Variants in HIVEP3 observed in about 807,000 individuals in gnomAD.
The protein encoded by HIVEP3 is transcription factor HIVEP3.
In HIVEP3, 49 loss-of-function variants were observed where a neutral mutation model predicts 152.8. The observed-to-expected ratio is 0.32, with a 90% CI of 0.26 to 0.41. The LOEUF (loss-of-function observed/expected upper bound fraction) is 0.41. Among genes scored for constraint, HIVEP3 ranks in the 10% least tolerant of loss-of-function variants. The pLI is 1.00. For synonymous variants in HIVEP3, 1,269 were observed against 1,289.0 expected, an observed-to-expected ratio of 0.98 and a Z score of 0.33; for missense variants, 2,790 against 3,103.3, an observed-to-expected ratio of 0.90 and a Z score of 2.40.
intron 1 of HIVEP3, among the ~76,000 whole-genome samples, chr1:41,779,311 C>G (rs1012137208): frequency 1.3e-5 from 2 of 152,220 alleles, no homozygotes; most frequent in Non-Finnish European, 2.9e-5. Flanking sequence ...CCATTCCCTA[C>G]TTGGGGAAGC....
intron 1 of HIVEP3, among the ~76,000 whole-genome samples, chr1:41,810,667 C>T (rs1196509205): frequency 1.3e-5 from 2 of 152,210 alleles, no homozygotes; most frequent in South Asian, 4.1e-4. Flanking sequence ...AAGGTACTGA[C>T]CCTCATTCCT....
At chr1:41,960,793 G>A (rs561322705) in intron 1 of HIVEP3, among the ~76,000 whole-genome samples, 1 of 152,196 alleles carries the variant, frequency 6.6e-6, no homozygotes, top group South Asian at 2.1e-4. Flanking sequence ...AGAGTTTGAG[G>A]TAATGTTTAG....
chr1:41,564,141 C>G (rs1002483220), intron 5 of HIVEP3, among the ~76,000 whole-genome samples: 3 of 152,124 alleles, frequency 2.0e-5, no homozygotes, highest in Admixed American at 6.5e-5. Flanking sequence ...TGCAGTGAGC[C>G]GAGATCGTGC....
rs981991338 is a variant in HIVEP3 at position 41,585,237 on chromosome 1, G to A, written c.-440C>T. The A allele has an allele frequency of 1.8e-5, 7 of 399,032 alleles. No individual in the cohort carries two copies. Among genetic ancestry groups the A allele is most frequent in the African/African-American group, 1.2e-4 (6 of 48,628 alleles). 24.7% of individuals were successfully genotyped at this position (399,032 alleles called of 1,614,324 possible). A position where few individuals can be genotyped will look rare whatever the true frequency, so the allele number is the denominator to read the frequency against. ...CTGGTCCTGGCACAAGAGATGCCAC[G>A]CTGGATGCTGGGGGTGGCTCTTCTC... On this transcript the variant is annotated 5_prime_UTR_variant, in exon 4 of 9. Coordinates refer to ENST00000372583, the MANE Select transcript of HIVEP3 (RefSeq NM_024503.5).
chr1:41,752,662 G>T (rs532063959), intron 1 of HIVEP3, among the ~76,000 whole-genome samples: 1 of 152,320 alleles, frequency 6.6e-6, no homozygotes, highest in Non-Finnish European at 1.5e-5. Context: ...GTCCCAGACC[G>T]ACAGAACCAG....
intron 1 of HIVEP3, among the ~76,000 whole-genome samples, chr1:41,749,201 GT>G (rs1647118370): frequency 6.6e-6 from 1 of 152,200 alleles, no homozygotes; most frequent in Non-Finnish European, 1.5e-5. Flanking sequence ...GTAAAAAGAG[GT>G]TTGTTTGAAA....
chr1:41,843,302 G>A (rs1557437985), intron 1 of HIVEP3, among the ~76,000 whole-genome samples: 1 of 152,136 alleles, frequency 6.6e-6, no homozygotes, highest in Non-Finnish European at 1.5e-5. Context: ...GGAGACAAAG[G>A]ACATCACACG....
chr1:41,523,494 T>C (rs145885331), intron 6 of HIVEP3, among the ~76,000 whole-genome samples: 3 of 151,958 alleles, frequency 2.0e-5, no homozygotes, highest in African/African-American at 4.8e-5. Context: ...GTTCAGTTAA[T>C]GGGGTGAGGA....
In HIVEP3 at chr1:42,023,556, T is replaced by A. The variant is rs564481365; in HGVS notation, n.119+12251A>T. On this transcript the variant is annotated intron_variant and non_coding_transcript_variant, in intron 1 of 3. Coordinates refer to the HIVEP3 transcript ENST00000489103. ...TTGGATCATGGAGGTGGATCCTTCA[T>A]GAATGAATTATCACCATCCACTTGG... Among the ~76,000 whole-genome samples, 112 of 152,160 alleles carry A rather than the reference T, an allele frequency of 7.4e-4. 1 individual carries two copies. Among genetic ancestry groups the A allele is most frequent in the Non-Finnish European group, 1.4e-3 (93 of 68,024 alleles).
At chr1:41,996,629 T>C (rs2124521161) in intron 1 of HIVEP3, among the ~76,000 whole-genome samples, 1 of 152,310 alleles carries the variant, frequency 6.6e-6, no homozygotes. Context: ...ATCCAGGGAA[T>C]GAACATTCCA....
At position 41,581,617 on chromosome 1, in the gene HIVEP3, C is replaced by A. The variant is rs367748901; in HGVS notation, c.3181G>T (p.Val1061Phe). The stretch of plus-strand genomic sequence containing the variant: ...CTCTCCTGTCTTCCCTTGGGGGCAA[C>A]CTCCAACTCAGATTCTGGAGGCCTG... Reference protein sequence around the residue: ...LSRPPESELEVAPKGRQESEE... With the variant: ...LSRPPESELEFAPKGRQESEE... The change falls in exon 4 of 9, where the codon GTT (valine) becomes TTT (phenylalanine). Residue 1061 changes from valine to phenylalanine, a missense_variant. Val to Phe is a conservative substitution (Grantham distance 50). Transcript: ENST00000372583. The surrounding 1 kb of genome is among the most constrained non-coding windows in gnomAD (Gnocchi z 4.5). 280 of 1,614,164 alleles carry A rather than the reference C, an allele frequency of 1.7e-4. 2 individuals are homozygous for A. In the South Asian group the frequency reaches 2.8e-3, roughly 16 times the overall value.
At chr1:41,719,335 G>C (rs1188971800) in intron 1 of HIVEP3, among the ~76,000 whole-genome samples, 1 of 152,254 alleles carries the variant, frequency 6.6e-6, no homozygotes, top group African/African-American at 2.4e-5. Flanking sequence ...AGATGGAAGT[G>C]AAACAGACTG....
intron 1 of HIVEP3, among the ~76,000 whole-genome samples, chr1:42,019,533 A>AT (rs34242796): frequency 0.68 from 102,920 of 151,488 alleles, 35,611 homozygotes; most frequent in East Asian, 0.96. Flanking sequence ...TTCATTTTCT[A>AT]TTTTTATTGC....
intron 1 of HIVEP3, among the ~76,000 whole-genome samples, chr1:41,815,277 C>T (rs1177142660): frequency 6.6e-6 from 1 of 152,100 alleles, no homozygotes. Flanking sequence ...AGTTCAAGAC[C>T]TGCCTGGGCA....
At chr1:41,824,706 T>C (rs577866738) in intron 1 of HIVEP3, among the ~76,000 whole-genome samples, 1 of 145,498 alleles carries the variant, frequency 6.9e-6, no homozygotes, top group Admixed American at 6.9e-5. Context: ...AGAGTTAACA[T>C]TTATATCACC....
chr1:41,524,840 C>T lies in HIVEP3; in HGVS notation c.5278G>A (p.Gly1760Arg). The change falls in exon 6 of 9, where the codon GGA becomes AGA. Residue 1760 changes from glycine to arginine, a missense_variant. Physicochemically the swap from Gly to Arg is moderately radical, Grantham distance 125. Transcript: ENST00000372583. The part of the protein sequence containing the change: ...GRGKYVCEEC[G>R]IRCKKPSMLK... ...ATGCTGGGCTTCTTGCAGCGAATTC[C>T]ACACTCCTCACAAACATATTTCCCT... is the stretch of plus-strand genomic sequence containing the variant. The T allele has an allele frequency of 6.2e-7, 1 of 1,614,136 alleles. No homozygotes were observed. Among genetic ancestry groups the T allele is most frequent in the Non-Finnish European group, 8.5e-7 (1 of 1,179,960 alleles).
At chr1:41,599,923 T>G (rs891282490) in intron 3 of HIVEP3, among the ~76,000 whole-genome samples, 5 of 152,060 alleles carry the variant, frequency 3.3e-5, no homozygotes, top group Non-Finnish European at 7.4e-5. Flanking sequence ...AAGAGACGTT[T>G]CTCCAAAGAA....
In HIVEP3 at chr1:41,641,507, A is replaced by G. The variant is rs922002511; in HGVS notation, c.-720-12560T>C. Reference sequence around the variant, plus strand: ...TTCAGCCAGACAGAAAGGCTGTGCCAAAGGAAATTGTGTGCCACAGGGCCC... The same window carrying G: ...TTCAGCCAGACAGAAAGGCTGTGCCGAAGGAAATTGTGTGCCACAGGGCCC... On this transcript the variant is annotated intron_variant, in intron 2 of 8. Transcript: ENST00000372583. Among the ~76,000 whole-genome samples, 30 of 152,226 alleles carry G rather than the reference A, an allele frequency of 2.0e-4. 1 individual carries two copies. Among genetic ancestry groups the G allele is most frequent in the African/African-American group, 6.8e-4 (28 of 41,462 alleles).
intron 5 of HIVEP3, among the ~76,000 whole-genome samples, chr1:41,547,171 T>C (rs920317165): frequency 6.6e-6 from 1 of 152,176 alleles, no homozygotes; most frequent in Non-Finnish European, 1.5e-5. Context: ...ACACTGAAGA[T>C]CATCCTGCCC....
Sources: allele counts gnomAD v4.1 joint callset (sites outside exome capture counted in the v4.1 genomes callset), GRCh38; gene constraint gnomAD v4.1.1; non-coding constraint Gnocchi (gnomAD v3.1); transcripts MANE v1.5; gene names NCBI Gene and HGNC (gene_info 2026-07-23, HGNC 2026-07-21).